Variants in ERC2 observed in about 807,000 individuals in gnomAD.
ERC2 encodes ERC protein 2.
ERC2 carries 42 observed loss-of-function variants against 114.8 expected under a neutral mutation model. The ratio of observed to expected loss-of-function variants is 0.37; its 90% CI spans 0.29 to 0.47. The LOEUF (loss-of-function observed/expected upper bound fraction) is 0.47, where lower values mean the gene tolerates loss of function less well. Among genes scored for constraint, ERC2 ranks in the 20% least tolerant of loss-of-function variants. ERC2 has a pLI of 0.99. For missense variants in ERC2, 939 were observed against 1,150.7 expected (o/e 0.82, Z 2.66); for synonymous variants, 454 against 425.5 (o/e 1.07, Z -0.82).
intron 17 of ERC2, among the ~76,000 whole-genome samples, chr3:55,561,482 T>G (rs2056015301): frequency 6.6e-6 from 1 of 152,154 alleles, no homozygotes; most frequent in Non-Finnish European, 1.5e-5. Context: ...TGGGCATTTG[T>G]CAGAACTTAA....
Position 56,364,530 on chromosome 3 carries a change from A to G in ERC2, c.658-68095T>C, listed in dbSNP as rs1179365887. ...TTAAATAAGCTGTTACAAATGTACA[A>G]TATGTACATACAATACTAATGTAGG... On this transcript the variant is annotated intron_variant, in intron 2 of 17. Transcript: ENST00000288221. Among the ~76,000 whole-genome samples the G allele has an allele frequency of 2.0e-5, 3 of 152,354 alleles. No homozygotes were observed. The East Asian group carries it at 5.8e-4, about 29-fold the overall frequency.
chr3:56,312,386 T>C (rs1392414613), intron 2 of ERC2, among the ~76,000 whole-genome samples: 5 of 152,162 alleles, frequency 3.3e-5, no homozygotes, highest in Non-Finnish European at 5.9e-5. Context: ...AGTTAGAAAG[T>C]ATAAATTCAA....
intron 3 of ERC2, among the ~76,000 whole-genome samples, chr3:56,284,833 C>G (rs1358759751): frequency 6.6e-6 from 1 of 152,020 alleles, no homozygotes; most frequent in Non-Finnish European, 1.5e-5. Context: ...CCCCCAACCC[C>G]TCCTTTAGAT....
chr3:56,233,988 CA>C (rs1328771922), intron 3 of ERC2, among the ~76,000 whole-genome samples: 1 of 152,132 alleles, frequency 6.6e-6, no homozygotes, highest in African/African-American at 2.4e-5. Flanking sequence ...AAACCACACC[CA>C]CAAGATCCTA....
intron 14 of ERC2, among the ~76,000 whole-genome samples, chr3:55,775,200 G>T (rs1160672768): frequency 6.6e-6 from 1 of 152,030 alleles, no homozygotes; most frequent in African/African-American, 2.4e-5. Flanking sequence ...TTCCTTGCTT[G>T]CTTGATGATG....
At chr3:56,169,253 T>C (rs1471583812) in intron 4 of ERC2, among the ~76,000 whole-genome samples, 1 of 152,250 alleles carries the variant, frequency 6.6e-6, no homozygotes, top group Non-Finnish European at 1.5e-5. Flanking sequence ...TCTTCTTTGA[T>C]AAATTCTGCT....
chr3:55,854,373 T>G (rs1326364828), intron 14 of ERC2, among the ~76,000 whole-genome samples: 1 of 152,226 alleles, frequency 6.6e-6, no homozygotes, highest in African/African-American at 2.4e-5. Context: ...TGTTTTGTTT[T>G]GTTTTGTTTT....
rs2055470179 is a variant in ERC2, at chr3:56,296,772, AC to A, written c.658-338del. The stretch of plus-strand genomic sequence containing the variant: ...GTTAGAAGGAAACTTTCACAAACAC[AC>A]CTTCTTTATGCCCAGAATGCTCCAG... On this transcript the variant is annotated intron_variant, in intron 2 of 17. Coordinates refer to ENST00000288221, the MANE Select transcript of ERC2 (RefSeq NM_015576.3). Among the ~76,000 whole-genome samples the A allele has an allele frequency of 5.3e-5, 8 of 152,250 alleles. No individual in the cohort carries two copies. The South Asian group carries it at 1.7e-3, about 32-fold the overall frequency.
At chr3:56,324,658 T>C (rs774532076) in intron 2 of ERC2, among the ~76,000 whole-genome samples, 16 of 152,066 alleles carry the variant, frequency 1.1e-4, no homozygotes, top group Non-Finnish European at 2.2e-4. Flanking sequence ...TTGGTCACAA[T>C]GGAAACTGAC....
chr3:55,912,235 G>T (rs151062259), intron 13 of ERC2, among the ~76,000 whole-genome samples: 1 of 152,160 alleles, frequency 6.6e-6, no homozygotes, highest in Non-Finnish European at 1.5e-5. Flanking sequence ...TCTCAGAAGA[G>T]ATATCCCAGA....
At chr3:56,093,514 A>G (rs1001671047) in intron 6 of ERC2, among the ~76,000 whole-genome samples, 1 of 152,192 alleles carries the variant, frequency 6.6e-6, no homozygotes, top group Non-Finnish European at 1.5e-5. Context: ...GGATCTTCAC[A>G]CAACATACCA....
intron 12 of ERC2, among the ~76,000 whole-genome samples, chr3:55,979,957 T>TC (rs2069944672): frequency 1.3e-5 from 2 of 148,726 alleles, no homozygotes; most frequent in Non-Finnish European, 1.5e-5. Flanking sequence ...TCTTTTTTTT[T>TC]CTTTTTTTTT....
intron 13 of ERC2, among the ~76,000 whole-genome samples, chr3:55,890,157 C>A (rs1356067340): frequency 1.3e-5 from 2 of 152,128 alleles, no homozygotes; most frequent in Non-Finnish European, 2.9e-5. Context: ...TTTTCAGTTT[C>A]TCATATAAGT....
At chr3:55,779,968 G>A (rs2068910880) in intron 14 of ERC2, among the ~76,000 whole-genome samples, 1 of 151,986 alleles carries the variant, frequency 6.6e-6, no homozygotes, top group African/African-American at 2.4e-5. Context: ...AGAAGAAAAT[G>A]TTCATGAGGC....
At chr3:55,913,567 T>C (rs562729102) in intron 13 of ERC2, among the ~76,000 whole-genome samples, 16 of 152,252 alleles carry the variant, frequency 1.1e-4, no homozygotes, top group African/African-American at 3.4e-4. Flanking sequence ...TAACTTACTT[T>C]TTTGCTGACG....
intron 14 of ERC2, among the ~76,000 whole-genome samples, chr3:55,876,599 A>G (rs1209354120): frequency 1.3e-5 from 2 of 152,208 alleles, no homozygotes; most frequent in Non-Finnish European, 2.9e-5. Flanking sequence ...ATTGTGCATC[A>G]ATTTACAGGA....
intron 12 of ERC2, among the ~76,000 whole-genome samples, chr3:55,957,910 T>C (rs1217575699): frequency 6.6e-6 from 1 of 152,230 alleles, no homozygotes; most frequent in Non-Finnish European, 1.5e-5. Flanking sequence ...ACCCTAGGTC[T>C]GGGCTTCCCA....
intron 17 of ERC2, among the ~76,000 whole-genome samples, chr3:55,586,481 A>C (rs927327851): frequency 6.6e-6 from 1 of 152,238 alleles, no homozygotes; most frequent in Non-Finnish European, 1.5e-5. Flanking sequence ...CGCAATCTAA[A>C]CTAGTCATCG....
intron 5 of ERC2, among the ~76,000 whole-genome samples, chr3:56,143,595 C>T (rs1475725515): frequency 6.6e-6 from 1 of 152,178 alleles, no homozygotes; most frequent in East Asian, 1.9e-4. Flanking sequence ...GATTGTGAGG[C>T]CTCCCCAGCC....
Sources: allele counts gnomAD v4.1 joint callset (sites outside exome capture counted in the v4.1 genomes callset), GRCh38; gene constraint gnomAD v4.1.1; transcripts MANE v1.5; gene names NCBI Gene and HGNC (gene_info 2026-07-23, HGNC 2026-07-21).